Variants in CGNL1 observed in about 807,000 individuals in gnomAD.
CGNL1 encodes cingulin like 1, also known as cingulin-like protein 1.
A neutral mutation model predicts 141.2 loss-of-function variants in CGNL1; 132 were observed. The ratio of observed to expected loss-of-function variants is 0.93; its 90% confidence interval spans 0.81 to 1.08. The LOEUF (loss-of-function observed/expected upper bound fraction) is 1.08. Among genes scored for constraint, CGNL1 ranks in the 50% least tolerant of loss-of-function variants. CGNL1 has a pLI of 0.00. For missense variants in CGNL1, 1,870 were observed against 1,588.6 expected, an observed-to-expected ratio of 1.18 and a Z score of -3.01; for synonymous variants, 690 against 622.1, an observed-to-expected ratio of 1.11 and a Z score of -1.63.
At chr15:57,538,833 C>T (rs1040845482) in intron 14 of CGNL1, among the ~76,000 whole-genome samples, 3 of 152,202 alleles carry the variant, frequency 2.0e-5, no homozygotes, top group Admixed American at 1.3e-4. Flanking sequence ...CCTTGTGGGT[C>T]TTCTTCCTTT....
chr15:57,404,371 T>C (rs1451820801), intron 1 of CGNL1, among the ~76,000 whole-genome samples: 3 of 152,216 alleles, frequency 2.0e-5, no homozygotes, highest in African/African-American at 7.2e-5. Context: ...GTTTTATAGC[T>C]TGTAAGATAT....
intron 1 of CGNL1, among the ~76,000 whole-genome samples, chr15:57,435,998 A>G (rs1406123262): frequency 1.3e-5 from 2 of 152,132 alleles, no homozygotes; most frequent in Admixed American, 1.3e-4. Context: ...ACAAATAAAG[A>G]CCCTCCAAAC....
At chr15:57,489,126 A>G (rs1190515888) in intron 8 of CGNL1, among the ~76,000 whole-genome samples, 1 of 152,274 alleles carries the variant, frequency 6.6e-6, no homozygotes, top group African/African-American at 2.4e-5. Flanking sequence ...TGGAAATACT[A>G]TATAATAGAA....
At chr15:57,459,991 T>C (rs2063425803) in intron 7 of CGNL1, among the ~76,000 whole-genome samples, 1 of 152,136 alleles carries the variant, frequency 6.6e-6, no homozygotes, top group African/African-American at 2.4e-5. Context: ...GTCATTTACA[T>C]AGAATTAATA....
intron 1 of CGNL1, among the ~76,000 whole-genome samples, chr15:57,380,616 C>G (rs1209056954): frequency 6.6e-6 from 1 of 152,076 alleles, no homozygotes; most frequent in Non-Finnish European, 1.5e-5. Flanking sequence ...TAGGCCCGTA[C>G]CCCAAATGAC....
At chr15:57,402,462 G>A (rs1425773543) in intron 1 of CGNL1, among the ~76,000 whole-genome samples, 1 of 152,166 alleles carries the variant, frequency 6.6e-6, no homozygotes, top group Non-Finnish European at 1.5e-5. Context: ...AATGCCAAAT[G>A]GACTAGCACA....
rs774308935 is a variant in CGNL1, at chr15:57,453,737, C to A, written c.2109C>A (p.Leu703=). The change falls in exon 7 of 19, where the codon CTC becomes CTA. Residue 703 remains leucine, a synonymous_variant. Transcript: ENST00000281282. The part of the protein sequence containing the change: ...REQHQTEIRD[L]QDQLSEMHDE... ...AGCATCAGACTGAGATCAGGGATCTCCAGGACCAGCTCTCAGAAATGCACG... is the reference window on the plus strand; with the variant it reads ...AGCATCAGACTGAGATCAGGGATCTACAGGACCAGCTCTCAGAAATGCACG... 3 of 1,613,928 alleles carry A rather than the reference C, an allele frequency of 1.9e-6. No individual in the cohort carries two copies. In the South Asian group the frequency reaches 3.3e-5, roughly 18 times the overall value.
chr15:57,430,694 G>A (rs1348000637), intron 1 of CGNL1, among the ~76,000 whole-genome samples: 1 of 152,080 alleles, frequency 6.6e-6, no homozygotes, highest in African/African-American at 2.4e-5. Context: ...CAGGCCATGT[G>A]GATCAGATGA....
At chr15:57,540,832 A>C (rs2032525291) in intron 14 of CGNL1, among the ~76,000 whole-genome samples, 1 of 152,260 alleles carries the variant, frequency 6.6e-6, no homozygotes. Flanking sequence ...TCGTTTGAAC[A>C]GCGAACAAAC....
At chr15:57,475,495 GT>G (rs2063641753) in intron 8 of CGNL1, among the ~76,000 whole-genome samples, 1 of 506 alleles carries the variant, frequency 2.0e-3, no homozygotes, top group African/African-American at 2.8e-3. Context: ...CAAGTGTGGT[GT>G]GTGTGTGTGT....
At chr15:57,453,229 A>G (rs1327688202) in intron 6 of CGNL1, among the ~76,000 whole-genome samples, 4 of 152,270 alleles carry the variant, frequency 2.6e-5, no homozygotes, top group Non-Finnish European at 4.4e-5. Context: ...GAGCATGACC[A>G]TGTTCCAGTA....
At position 57,497,922 on chromosome 15, in the gene CGNL1, G is replaced by A. The variant is rs140277068; in HGVS notation, c.2404-18858G>A. Among the ~76,000 whole-genome samples the A allele has an allele frequency of 3.8e-3, 579 of 152,354 alleles. 6 individuals carry two copies. Among genetic ancestry groups the A allele is most frequent in the African/African-American group, 0.013 (540 of 41,582 alleles). On this transcript the variant is annotated intron_variant, in intron 8 of 18. Transcript: ENST00000281282. Reference sequence around the variant, plus strand: ...TGCCCTCAGTGTCACGCTGAGAAGAGTGTGAAAGACATTCTCTGTACACTT... The same window carrying A: ...TGCCCTCAGTGTCACGCTGAGAAGAATGTGAAAGACATTCTCTGTACACTT...
intron 5 of CGNL1, 79 bp downstream of exon 5, chr15:57,451,680 C>A: frequency 9.3e-7 from 1 of 1,072,012 alleles, no homozygotes; most frequent in South Asian, 1.5e-5. Context: ...ATTGGGATAA[C>A]CAGAGTGAAA....
intron 11 of CGNL1, 124 bp from the exon 12 acceptor site, chr15:57,524,457 G>A: frequency 1.1e-6 from 1 of 901,480 alleles, no homozygotes. Context: ...TCAGGTGCTG[G>A]GCCATCTTTG....
chr15:57,383,631 C>A lies in CGNL1; in HGVS notation c.-16+7064C>A, dbSNP rs9708063. Among the ~76,000 whole-genome samples the A allele has an allele frequency of 1.3e-3, 50 of 37,972 alleles. 3 individuals are homozygous for A. Among genetic ancestry groups the A allele is most frequent in the African/African-American group, 0.011 (47 of 4,242 alleles). 24.9% of individuals were successfully genotyped at this position (37,972 alleles called of 152,430 possible). A position where few individuals can be genotyped will look rare whatever the true frequency, so the allele number is the denominator to read the frequency against. ...CTTTTCTTTTCTTTTCTTTTCTTTT[C>A]TTTTTTTTTTTGAGATAATCTCACT... On this transcript the variant is annotated intron_variant, in intron 1 of 18. Transcript: ENST00000281282.
At chr15:57,413,693 A>G (rs918064309) in intron 1 of CGNL1, among the ~76,000 whole-genome samples, 2 of 152,226 alleles carry the variant, frequency 1.3e-5, no homozygotes, top group Admixed American at 6.5e-5. Flanking sequence ...AGCTAACTAG[A>G]TTTCTTCCCA....
chr15:57,496,651 C>T (rs145601896), intron 8 of CGNL1, among the ~76,000 whole-genome samples: 10 of 152,166 alleles, frequency 6.6e-5, no homozygotes, highest in African/African-American at 1.9e-4. Context: ...GGTGGCCTTT[C>T]GCTAGTAGTT....
intron 8 of CGNL1, among the ~76,000 whole-genome samples, chr15:57,501,164 T>C (rs1397037609): frequency 1.3e-5 from 2 of 152,184 alleles, no homozygotes; most frequent in African/African-American, 2.4e-5. Context: ...ATGGAGGCCC[T>C]GCCCAGAAGG....
chr15:57,464,078 T>C (rs2063479658), intron 8 of CGNL1, among the ~76,000 whole-genome samples: 1 of 151,664 alleles, frequency 6.6e-6, no homozygotes, highest in African/African-American at 2.4e-5. Flanking sequence ...TTGTCCTTTT[T>C]TTTTTTCCTG....
Sources: allele counts gnomAD v4.1 joint callset (sites outside exome capture counted in the v4.1 genomes callset), GRCh38; gene constraint gnomAD v4.1.1; transcripts MANE v1.5; gene names NCBI Gene and HGNC (gene_info 2026-07-23, HGNC 2026-07-21).